SYNPR: variants seen among roughly 807,000 people sequenced by gnomAD.
The protein encoded by SYNPR is synaptoporin.
A neutral mutation model predicts 32.9 loss-of-function variants in SYNPR; 23 were observed. The ratio of observed to expected loss-of-function variants is 0.70; its 90% CI spans 0.50 to 0.99. The LOEUF is 0.99. SYNPR is among the 50% of genes least tolerant of loss of function. The pLI is 0.00. For missense variants in SYNPR, 318 were observed against 349.3 expected (o/e 0.91, Z 0.71); for synonymous variants, 146 against 135.9 (o/e 1.07, Z -0.52).
chr3:63,433,855 T>C (rs1218364443), intron 2 of SYNPR, among the ~76,000 whole-genome samples: 1 of 152,140 alleles, frequency 6.6e-6, no homozygotes. Flanking sequence ...GACATACTCA[T>C]CAAAAGAGAG....
chr3:63,541,520 T>C (rs189898342), intron 3 of SYNPR, among the ~76,000 whole-genome samples: 5 of 152,252 alleles, frequency 3.3e-5, no homozygotes, highest in Admixed American at 2.6e-4. Context: ...GGGGGAGTTC[T>C]GGAATAGTTA....
At chr3:63,546,444 G>A (rs1046353358) in intron 3 of SYNPR, among the ~76,000 whole-genome samples, 5 of 150,098 alleles carry the variant, frequency 3.3e-5, no homozygotes, top group African/African-American at 1.0e-4. Context: ...CTTTCAATAA[G>A]TTGGATAAAC....
intron 2 of SYNPR, among the ~76,000 whole-genome samples, chr3:63,329,435 C>A (rs1477760740): frequency 6.6e-6 from 1 of 152,072 alleles, no homozygotes; most frequent in Non-Finnish European, 1.5e-5. Context: ...AACCAACCTG[C>A]AATGCAAACC....
intron 3 of SYNPR, among the ~76,000 whole-genome samples, chr3:63,553,453 C>T (rs182701659): frequency 2.0e-5 from 3 of 152,112 alleles, no homozygotes; most frequent in African/African-American, 7.2e-5. Context: ...TGGGTATATA[C>T]CCAGTACTGG....
chr3:63,598,771 G>A (rs1356769110), intron 4 of SYNPR, among the ~76,000 whole-genome samples: 1 of 152,002 alleles, frequency 6.6e-6, no homozygotes, highest in Non-Finnish European at 1.5e-5. Context: ...TCACTCTATG[G>A]GAATAAATAA....
chr3:63,245,618 T>C (rs2086277753), intron 1 of SYNPR, among the ~76,000 whole-genome samples: 1 of 151,844 alleles, frequency 6.6e-6, no homozygotes, highest in Admixed American at 6.6e-5. Context: ...TTATATTTTC[T>C]ACTTAATGCT....
intron 2 of SYNPR, among the ~76,000 whole-genome samples, chr3:63,264,016 G>C: frequency 6.6e-6 from 1 of 152,050 alleles, no homozygotes; most frequent in Non-Finnish European, 1.5e-5. Flanking sequence ...ACACAGAGAG[G>C]GACTAAGTAA....
In SYNPR at chr3:63,586,127, T is replaced by A. The variant is rs557778641; in HGVS notation, c.409-22998T>A. ...AATTTCCTCCTTGGTATTTGAGAAG[T>A]TCTTCATCTTAACCATCTGTTGCAG... On this transcript the variant is annotated intron_variant, in intron 4 of 5. Transcript: ENST00000478300. Among the ~76,000 whole-genome samples, 4 of 152,158 alleles carry A rather than the reference T, an allele frequency of 2.6e-5. No individual in the cohort carries two copies. The South Asian group carries it at 8.3e-4, about 32-fold the overall frequency.
At chr3:63,400,511 C>T (rs957826119) in intron 2 of SYNPR, among the ~76,000 whole-genome samples, 1 of 152,224 alleles carries the variant, frequency 6.6e-6, no homozygotes, top group African/African-American at 2.4e-5. Context: ...CTCCACAAGG[C>T]TGCTTGTATG....
chr3:63,319,920 C>G (rs1659628790), intron 2 of SYNPR, among the ~76,000 whole-genome samples: 1 of 151,964 alleles, frequency 6.6e-6, no homozygotes, highest in South Asian at 2.1e-4. Context: ...ATAAATGAGG[C>G]TATAGTGAAC....
chr3:63,335,157 A>G lies in SYNPR; in HGVS notation c.84+56415A>G, dbSNP rs1265426617. ...ATCACAAGGTCGGGAGATCGAGACCATCCTGGCTAACACGGTGAAACCTCG... is the reference window on the plus strand; with the variant it reads ...ATCACAAGGTCGGGAGATCGAGACCGTCCTGGCTAACACGGTGAAACCTCG... On this transcript the variant is annotated intron_variant, in intron 2 of 5. Coordinates refer to ENST00000478300, the MANE Select transcript of SYNPR (RefSeq NM_001130003.2). 2.6e-5 allele frequency among the ~76,000 whole-genome samples: 4 copies of G among 152,152 alleles called. No homozygotes were observed. The East Asian group carries it at 7.7e-4, about 29-fold the overall frequency.
At chr3:63,530,598 T>C (rs1319878680) in intron 3 of SYNPR, among the ~76,000 whole-genome samples, 1 of 152,168 alleles carries the variant, frequency 6.6e-6, no homozygotes. Flanking sequence ...CAAGGTCTTC[T>C]AGGGGTGCTT....
At chr3:63,203,149 C>T in the SYNPR span, 1 of 141,108 alleles carries the variant, frequency 7.1e-6, no homozygotes, top group South Asian at 2.2e-4. Flanking sequence ...AGCATCTATA[C>T]CAGTGTTGGG....
At chr3:63,476,111 G>GAGGAAGGAAGGA (rs765639648) in intron 2 of SYNPR, among the ~76,000 whole-genome samples, 4 of 67,776 alleles carry the variant, frequency 5.9e-5, no homozygotes, top group African/African-American at 9.3e-5. Context: ...AGGGAGGGGG[G>GAGGAAGGAAGGA]AGGAAGGAAG....
At chr3:63,581,553 A>T (rs1055868020) in intron 4 of SYNPR, among the ~76,000 whole-genome samples, 1 of 146,990 alleles carries the variant, frequency 6.8e-6, no homozygotes, top group Non-Finnish European at 1.5e-5. Flanking sequence ...GCAACCTGCC[A>T]TCTCATCAAA....
At chr3:63,449,317 T>C (rs1301269975) in intron 2 of SYNPR, among the ~76,000 whole-genome samples, 1 of 152,166 alleles carries the variant, frequency 6.6e-6, no homozygotes, top group African/African-American at 2.4e-5. Flanking sequence ...CACTACTAGA[T>C]GCTAGGGCAC....
At chr3:63,295,395 A>G (rs2086784191) in intron 2 of SYNPR, among the ~76,000 whole-genome samples, 1 of 152,218 alleles carries the variant, frequency 6.6e-6, no homozygotes. Flanking sequence ...TGTATGGTTT[A>G]TAATAGCAGA....
chr3:63,244,944 T>C (rs1303456938), intron 1 of SYNPR, among the ~76,000 whole-genome samples: 1 of 152,036 alleles, frequency 6.6e-6, no homozygotes, highest in African/African-American at 2.4e-5. Context: ...ATAATCAAAA[T>C]ACAAATTGCT....
rs905169471 is a variant in SYNPR, at chr3:63,278,491, T to C, written c.-43T>C. ...CGGTGGTGCCAAGCGAACTTCATTT[T>C]TAAAAAGAACTGGTGGATGAGAAGA... On this transcript the variant is annotated 5_prime_UTR_variant, in exon 1 of 6. Transcript: ENST00000478300. 6.5e-7 allele frequency: 1 copy of C among 1,537,286 alleles called. No individual in the cohort carries two copies. Among genetic ancestry groups the C allele is most frequent in the Admixed American group, 2.0e-5 (1 of 48,942 alleles).
Sources: allele counts gnomAD v4.1 joint callset (sites outside exome capture counted in the v4.1 genomes callset), GRCh38; gene constraint gnomAD v4.1.1; transcripts MANE v1.5; gene names NCBI Gene and HGNC (gene_info 2026-07-23, HGNC 2026-07-21).